The following LGSN variants were observed in gnomAD, a reference collection of about 807,000 sequenced individuals.
The protein encoded by LGSN is lengsin, lens protein with glutamine synthetase domain, also known as lengsin.
LGSN carries 21 observed loss-of-function variants against 19.5 expected under a neutral mutation model. That is an observed-to-expected ratio of 1.07 (90% CI 0.76 to 1.55). LGSN has a LOEUF of 1.55. LGSN is among the 40% of genes most tolerant of loss of function. The pLI, the probability that LGSN is intolerant of heterozygous loss-of-function variation, is 0.00. For missense variants in LGSN, 673 were observed against 608.5 expected (o/e 1.11, Z -1.12); for synonymous variants, 257 against 215.6 (o/e 1.19, Z -1.68).
chr6:63,290,972 G>A (rs77065825), intron 2 of LGSN, among the ~76,000 whole-genome samples: 3,900 of 152,272 alleles, frequency 0.026, 176 homozygotes, highest in African/African-American at 0.089. Flanking sequence ...TTCAGAGGTT[G>A]TTAGTGCTCA....
the LGSN span, among the ~76,000 whole-genome samples, chr6:63,372,220 C>T: frequency 1.3e-5 from 2 of 152,146 alleles, no homozygotes; most frequent in Non-Finnish European, 2.9e-5. Flanking sequence ...TGCTTAGTCC[C>T]GGGCTGTTGA....
At chr6:63,448,284 C>T in the LGSN span, among the ~76,000 whole-genome samples, 4 of 152,124 alleles carry the variant, frequency 2.6e-5, no homozygotes, top group African/African-American at 7.2e-5. Flanking sequence ...ACAAAAAGGA[C>T]AACTGGACAT....
At chr6:63,389,067 T>A in the LGSN span, among the ~76,000 whole-genome samples, 1 of 152,204 alleles carries the variant, frequency 6.6e-6, no homozygotes, top group African/African-American at 2.4e-5. Flanking sequence ...CTAACCCTTA[T>A]AAGTATTCAT....
the LGSN span, among the ~76,000 whole-genome samples, chr6:63,458,680 G>C: frequency 6.6e-6 from 1 of 152,162 alleles, no homozygotes; most frequent in Non-Finnish European, 1.5e-5. Flanking sequence ...TCTCGCTAGG[G>C]ACCTCTCTAA....
chr6:63,432,189 A>AAAG, the LGSN span, among the ~76,000 whole-genome samples: 10 of 28,938 alleles, frequency 3.5e-4, no homozygotes, highest in Non-Finnish European at 3.9e-4. Flanking sequence ...GAAAGAAAAG[A>AAAG]AAAGAAAAGA....
the LGSN span, among the ~76,000 whole-genome samples, chr6:63,545,868 A>G: frequency 1.6e-4 from 25 of 152,312 alleles, no homozygotes; most frequent in African/African-American, 5.5e-4. Context: ...AAGAAAGAAA[A>G]AAAAGAAAAG....
chr6:63,436,974 T>C, the LGSN span, among the ~76,000 whole-genome samples: 10 of 150,174 alleles, frequency 6.7e-5, no homozygotes, highest in Admixed American at 6.7e-4. Flanking sequence ...GAGGTGTAGG[T>C]TGCAGTGAGC....
At chr6:63,412,761 A>ATGAAAGAAAGAAAG in the LGSN span, among the ~76,000 whole-genome samples, 1 of 20,052 alleles carries the variant, frequency 5.0e-5, no homozygotes, top group African/African-American at 2.5e-4. Flanking sequence ...GAAAGAAAGA[A>ATGAAAGAAAGAAAG]AGAAAGAAAG....
chr6:63,399,597 T>C, the LGSN span, among the ~76,000 whole-genome samples: 2 of 151,886 alleles, frequency 1.3e-5, no homozygotes, highest in Non-Finnish European at 2.9e-5. Context: ...GGTTTCACCA[T>C]GTTGGGCAGG....
chr6:63,362,802 A>C, the LGSN span, among the ~76,000 whole-genome samples: 2 of 152,136 alleles, frequency 1.3e-5, no homozygotes, highest in African/African-American at 4.8e-5. Context: ...GCAGCAGAAA[A>C]TTCTGCAAAC....
chr6:63,468,630 G>A, the LGSN span, among the ~76,000 whole-genome samples: 16 of 151,690 alleles, frequency 1.1e-4, no homozygotes, highest in Non-Finnish European at 1.9e-4. Context: ...GTTTCATTAC[G>A]TTGGTCAGGC....
chr6:63,429,771 C>T, the LGSN span, among the ~76,000 whole-genome samples: 3 of 150,580 alleles, frequency 2.0e-5, no homozygotes, highest in Admixed American at 6.6e-5. Context: ...ACAGGGATTA[C>T]AGGAGCTGAC....
the LGSN span, among the ~76,000 whole-genome samples, chr6:63,342,093 A>G: frequency 5.8e-4 from 88 of 152,316 alleles, no homozygotes; most frequent in Middle Eastern, 6.8e-3. Flanking sequence ...GGTGATATCA[A>G]TGGGTCAAGC....
the LGSN span, among the ~76,000 whole-genome samples, chr6:63,334,373 C>T: frequency 1.3e-5 from 2 of 151,630 alleles, no homozygotes; most frequent in Admixed American, 1.3e-4. Flanking sequence ...ACAATAGCTA[C>T]AAAAAAAACT....
At position 63,276,812 on chromosome 6, in the gene LGSN, A is replaced by G. The variant is rs530158638; in HGVS notation, c.*3209T>C. ...TCTTAACCCAGACCAAGAAGGTAGA[A>G]GCATCAGCAGAAAGTCCTTTCAACA... On this transcript the variant is annotated 3_prime_UTR_variant, in exon 4 of 4. Coordinates refer to ENST00000370657, the MANE Select transcript of LGSN (RefSeq NM_016571.3). The G allele has an allele frequency of 6.6e-6, 1 of 152,378 alleles. No homozygotes were observed. Among genetic ancestry groups the G allele is most frequent in the African/African-American group, 2.4e-5 (1 of 41,592 alleles). The allele number at this position is 152,378 out of a possible 1,614,324, so 9.4% of individuals were successfully genotyped here. A position where few individuals can be genotyped will look rare whatever the true frequency, so the allele number is the denominator to read the frequency against.
the LGSN span, among the ~76,000 whole-genome samples, chr6:63,470,135 G>T: frequency 2.5e-4 from 38 of 152,062 alleles, no homozygotes; most frequent in Admixed American, 4.6e-4. Flanking sequence ...GAAAAAGAGA[G>T]AAAGGAAGGA....
chr6:63,512,515 T>C, the LGSN span, among the ~76,000 whole-genome samples: 1 of 152,210 alleles, frequency 6.6e-6, no homozygotes, highest in Non-Finnish European at 1.5e-5. Context: ...TTTTATTTAA[T>C]GGGGAATATT....
the LGSN span, among the ~76,000 whole-genome samples, chr6:63,539,260 A>ATTATATCTCTT: frequency 6.6e-6 from 1 of 152,190 alleles, no homozygotes; most frequent in Non-Finnish European, 1.5e-5. Flanking sequence ...ATTACATAAC[A>ATTATATCTCTT]TGTAATATTA....
the LGSN span, among the ~76,000 whole-genome samples, chr6:63,337,365 G>A: frequency 6.6e-6 from 1 of 151,228 alleles, no homozygotes; most frequent in African/African-American, 2.4e-5. Flanking sequence ...ATGTGACTGA[G>A]GCATGAAAAA....
Sources: allele counts gnomAD v4.1 joint callset (sites outside exome capture counted in the v4.1 genomes callset), GRCh38; gene constraint gnomAD v4.1.1; transcripts MANE v1.5; gene names NCBI Gene and HGNC (gene_info 2026-07-23, HGNC 2026-07-21).